Variants in COL7A1 observed in about 807,000 individuals in gnomAD.
COL7A1 encodes collagen alpha-1(VII) chain.
Under a neutral mutation model 456.2 loss-of-function variants are expected in COL7A1, and 296 were observed. That is an observed-to-expected ratio of 0.65 (90% CI 0.59 to 0.71). The LOEUF (loss-of-function observed/expected upper bound fraction) is 0.71, where lower values mean the gene tolerates loss of function less well. COL7A1 is among the 30% of genes least tolerant of loss of function. The probability of loss-of-function intolerance (pLI) is 0.00; values close to 1 mark genes in which losing one functional copy is unlikely to be tolerated. For missense variants in COL7A1, 3,441 were observed against 4,017.2 expected, an observed-to-expected ratio of 0.86 and a Z score of 3.88; for synonymous variants, 1,464 against 1,525.9, an observed-to-expected ratio of 0.96 and a Z score of 0.95.
rs770615701 is a variant in COL7A1 at position 48,570,907 on chromosome 3, G to T, written c.7226C>A (p.Thr2409Lys). The T allele has an allele frequency of 1.9e-6, 3 of 1,613,572 alleles. No homozygotes were observed. The South Asian group carries it at 3.3e-5, about 18-fold the overall frequency. ...CTGACCCATCTCTCCTCGAGGGCCTGTCTGACCCGGGAACCCAACAACACC... is the reference window on the plus strand; with the variant it reads ...CTGACCCATCTCTCCTCGAGGGCCTTTCTGACCCGGGAACCCAACAACACC... ...APGVVGFPGQTGPRGEMGQPG... is the reference protein window; with the variant it reads ...APGVVGFPGQKGPRGEMGQPG... Residue 2409 changes from threonine (T) to lysine (K), a missense_variant, in exon 95 of 119, where the codon ACA (threonine) becomes AAA (lysine). By Grantham distance (78) the Thr-to-Lys change is moderately conservative (BLOSUM62 -1). Transcript: ENST00000681320. This position sits in a 1 kb window ranked among gnomAD's most constrained non-coding sequence, Gnocchi z 5.5.
chr3:48,576,265 T>A lies in COL7A1; in HGVS notation c.5804A>T (p.Glu1935Val). The A allele has an allele frequency of 9.9e-6, 16 of 1,613,614 alleles. No individual in the cohort carries two copies. Among genetic ancestry groups the A allele is most frequent in the Non-Finnish European group, 1.4e-5 (16 of 1,179,976 alleles). Residue 1935 changes from glutamate to valine, a missense_variant, in exon 71 of 119, where the codon GAG becomes GTG. By Grantham distance (121) the Glu-to-Val change is moderately radical (BLOSUM62 -2). This residue lies in a region of COL7A1 where 2,084 missense variants were observed against 2,501.3 expected (regional missense o/e 0.83). Transcript: ENST00000681320. Reference sequence around the variant, plus strand: ...CTGGCTCACCGGCACACTTCCAGGCTCTCCTCGCAGGCCACGCTCTCCAGG... The same window carrying A: ...CTGGCTCACCGGCACACTTCCAGGCACTCCTCGCAGGCCACGCTCTCCAGG... ...GLPGERGLRG[E>V]PGSVPNVDRL...
rs752058282 is a variant in COL7A1 at position 48,578,473 on chromosome 3, A to G, written c.5467T>C (p.Ser1823Pro). Residue 1823 changes from serine to proline, a missense_variant, in exon 64 of 119, where the codon TCT becomes CCT. By Grantham distance (74) the Ser-to-Pro change is moderately conservative (BLOSUM62 -1). Around this residue, in one of 3 missense-constraint regions of COL7A1, gnomAD observed 2,084 missense variants for 2,501.3 expected, o/e 0.83. Coordinates refer to ENST00000681320, the MANE Select transcript of COL7A1 (RefSeq NM_000094.4). The surrounding 1 kb of genome is among the most constrained non-coding windows in gnomAD (Gnocchi z 4.7). ...LRGEQGLPGP[S>P]GPPGLPGKPG... ...CTCACCGGTAATCCAGGGGGACCAGAGGGGCCAGGGAGGCCCTGTTCTCCA... is the reference window on the plus strand; with the variant it reads ...CTCACCGGTAATCCAGGGGGACCAGGGGGGCCAGGGAGGCCCTGTTCTCCA... The G allele has an allele frequency of 1.2e-6, 2 of 1,612,802 alleles. No individual in the cohort carries two copies. The highest frequency in any genetic ancestry group is 2.7e-5 in the African/African-American group (2 of 74,902).
rs937090602 is a variant in COL7A1, at chr3:48,579,471, A to C, written c.5271+9T>G. 1 of 1,614,108 alleles carries C rather than the reference A, an allele frequency of 6.2e-7. No individual in the cohort carries two copies. The highest frequency in any genetic ancestry group is 1.3e-5 in the African/African-American group (1 of 75,040). On this transcript the variant is annotated intron_variant, in intron 60 of 118. Transcript: ENST00000681320. The surrounding 1 kb of genome is among the most constrained non-coding windows in gnomAD (Gnocchi z 4.4). ...GGACTTGGCAGACGGGGCAAAGTGC[A>C]TCACTCACCTGTGGGCCTGGGGGTC... is the stretch of plus-strand genomic sequence containing the variant.
In COL7A1 at chr3:48,589,311, G is replaced by C. The variant is rs201123088; in HGVS notation, c.2314+16C>G. 1.3e-5 allele frequency: 21 copies of C among 1,611,724 alleles called. No homozygotes were observed. Among genetic ancestry groups the C allele is most frequent in the African/African-American group, 2.7e-5 (2 of 74,832 alleles). ...GCTAATGCGGTGTGGCTAGTAGCTG[G>C]CCAGGGTCCACTCACCAGTCCTCAC... is the stretch of plus-strand genomic sequence containing the variant. On this transcript the variant is annotated intron_variant, in intron 18 of 118. Transcript: ENST00000681320.
Position 48,571,893 on chromosome 3 carries a change from C to CAGCCCGA in COL7A1, c.7068+101_7068+107dup, listed in dbSNP as rs1260765023. ...GCAGGCTCCTGGATGTTGGGACATG[C>CAGCCCGA]AGCCCGACTCAGGGGCTCAGACATG... On this transcript the variant is annotated intron_variant, in intron 92 of 118. Coordinates refer to ENST00000681320, the MANE Select transcript of COL7A1 (RefSeq NM_000094.4). The surrounding 1 kb of genome is among the most constrained non-coding windows in gnomAD (Gnocchi z 4.6). 1.5e-6 allele frequency: 2 copies of CAGCCCGA among 1,354,150 alleles called. No homozygotes were observed. The highest frequency in any genetic ancestry group is 1.4e-5 in the African/African-American group (1 of 69,162). 83.9% of individuals were successfully genotyped at this position (1,354,150 alleles called of 1,614,324 possible). A position where few individuals can be genotyped will look rare whatever the true frequency, so the allele number is the denominator to read the frequency against.
rs778191454 is a variant in COL7A1 at position 48,585,074 on chromosome 3, C to T, written c.3937G>A (p.Ala1313Thr). 2.6e-5 allele frequency: 42 copies of T among 1,612,406 alleles called. No individual in the cohort carries two copies. In the East Asian group the frequency reaches 5.4e-4, roughly 21 times the overall value. ...GCTCCAGGGGTCCCAGGATTCCCGG[C>T]GCGGCCAGGGCTGCCTGGACGCCCA... ...ADGRPGSPGRAGNPGTPGAPG... is the reference protein window; with the variant it reads ...ADGRPGSPGRTGNPGTPGAPG... Residue 1313 changes from alanine to threonine, a missense_variant, in exon 33 of 119, where the codon GCC becomes ACC. Ala to Thr is a moderately conservative substitution (Grantham distance 58). Coordinates refer to ENST00000681320, the MANE Select transcript of COL7A1 (RefSeq NM_000094.4). The surrounding 1 kb of genome is among the most constrained non-coding windows in gnomAD (Gnocchi z 4.5).
chr3:48,566,667 CCTCT>C lies in COL7A1; in HGVS notation c.8293_8296del (p.Arg2765GlyfsTer20). 1 of 1,614,164 alleles carries C rather than the reference CCTCT, an allele frequency of 6.2e-7. No homozygotes were observed. Among genetic ancestry groups the C allele is most frequent in the Non-Finnish European group, 8.5e-7 (1 of 1,180,012 alleles). ...CTTGGAATCCCTACTCACCTGCTCCCCTCTCTCGCCAGGAGCTCCAGGGACCCCA... is the reference window on the plus strand; with the variant it reads ...CTTGGAATCCCTACTCACCTGCTCCCCTCGCCAGGAGCTCCAGGGACCCCA... On this transcript the variant is annotated frameshift_variant, in exon 112 of 119. Coordinates refer to ENST00000681320, the MANE Select transcript of COL7A1 (RefSeq NM_000094.4). LOFTEE classifies it high-confidence loss of function. This position sits in a 1 kb window ranked among gnomAD's most constrained non-coding sequence, Gnocchi z 5.9.
At position 48,578,627 on chromosome 3, in the gene COL7A1, G is replaced by A. The variant is rs2044494817; in HGVS notation, c.5425-112C>T. 8.0e-7 allele frequency: 1 copy of A among 1,248,370 alleles called. No individual in the cohort carries two copies. Among genetic ancestry groups the A allele is most frequent in the Admixed American group, 2.0e-5 (1 of 51,116 alleles). 77.3% of individuals were successfully genotyped at this position (1,248,370 alleles called of 1,614,324 possible). A position where few individuals can be genotyped will look rare whatever the true frequency, so the allele number is the denominator to read the frequency against. ...CTCCCTCCAGGGTAGAGACCCCCAGGACTGAGAGGTCCCATTGAGATCCCT... is the reference window on the plus strand; with the variant it reads ...CTCCCTCCAGGGTAGAGACCCCCAGAACTGAGAGGTCCCATTGAGATCCCT... On this transcript the variant is annotated intron_variant, in intron 63 of 118. Transcript: ENST00000681320. This position sits in a 1 kb window ranked among gnomAD's most constrained non-coding sequence, Gnocchi z 4.7.
At position 48,584,369 on chromosome 3, in the gene COL7A1, G is replaced by A; in HGVS notation, c.4126C>T (p.Pro1376Ser). The change falls in exon 37 of 119, where the codon CCT becomes TCT. Residue 1376 changes from proline (P) to serine (S), a missense_variant. Physicochemically the swap from Pro to Ser is moderately conservative, Grantham distance 74. Around this residue, in one of 3 missense-constraint regions of COL7A1, gnomAD observed 2,084 missense variants for 2,501.3 expected, o/e 0.83. Coordinates refer to ENST00000681320, the MANE Select transcript of COL7A1 (RefSeq NM_000094.4). ...RKGDPGPSGPPGPRGPLGDPG... is the reference protein window; with the variant it reads ...RKGDPGPSGPSGPRGPLGDPG... ...TCCCCCAGTGGTCCACGAGGTCCAG[G>A]GGGGCCCTGATGGAGGAGACAAAGT... 6.2e-7 allele frequency: 1 copy of A among 1,613,762 alleles called. No individual in the cohort carries two copies. The highest frequency in any genetic ancestry group is 2.2e-5 in the East Asian group (1 of 44,864).
chr3:48,587,828 C>T lies in COL7A1; in HGVS notation c.2822G>A (p.Gly941Glu). Reference protein sequence around the residue: ...RVRLSVLGPAGEGPSAEVTAR... With the variant: ...RVRLSVLGPAEEGPSAEVTAR... ...AGTCACCTCTGCAGAGGGCCCTTCT[C>T]CAGCTGGCCCTAGGACACTCAGCCT... The change falls in exon 22 of 119, where the codon GGA becomes GAA. Residue 941 changes from glycine (G) to glutamate (E), a missense_variant. Coordinates refer to ENST00000681320, the MANE Select transcript of COL7A1 (RefSeq NM_000094.4). The surrounding 1 kb of genome is among the most constrained non-coding windows in gnomAD (Gnocchi z 6.1). The T allele has an allele frequency of 1.9e-6, 3 of 1,613,438 alleles. No individual in the cohort carries two copies. Among genetic ancestry groups the T allele is most frequent in the Non-Finnish European group, 1.7e-6 (2 of 1,179,976 alleles).
Position 48,565,163 on chromosome 3 carries a change from A to T in COL7A1, c.8566T>A (p.Ser2856Thr), listed in dbSNP as rs772717870. ...TGGTACTCCTCCACAGAATACTCGG[A>T]GTATTCAGAGTACTCATCATCCTCA... ...PPEDDEYSEY[S>T]EYSVEEYQDP... Residue 2856 changes from serine (S) to threonine (T), a missense_variant, in exon 117 of 119, where the codon TCC becomes ACC. Coordinates refer to ENST00000681320, the MANE Select transcript of COL7A1 (RefSeq NM_000094.4). This position sits in a 1 kb window ranked among gnomAD's most constrained non-coding sequence, Gnocchi z 4.5. The T allele has an allele frequency of 6.2e-7, 1 of 1,613,904 alleles. No homozygotes were observed. Among genetic ancestry groups the T allele is most frequent in the African/African-American group, 1.3e-5 (1 of 74,902 alleles).
In COL7A1 at chr3:48,585,813, C is replaced by T; in HGVS notation, c.3786+17G>A. 6.2e-7 allele frequency: 1 copy of T among 1,614,074 alleles called. No homozygotes were observed. The highest frequency in any genetic ancestry group is 8.5e-7 in the Non-Finnish European group (1 of 1,180,014). ...CACTCAACCCATTCTCTATTCCCCG[C>T]CCGCAGGGGCACTCACCATCTCTCC... is the stretch of plus-strand genomic sequence containing the variant. On this transcript the variant is annotated intron_variant, in intron 30 of 118. Transcript: ENST00000681320. The surrounding 1 kb of genome is among the most constrained non-coding windows in gnomAD (Gnocchi z 4.5).
chr3:48,564,119 T>A lies in COL7A1; in HGVS notation c.*287A>T, dbSNP rs537902317. The A allele has an allele frequency of 1.9e-5, 10 of 531,854 alleles. No homozygotes were observed. In the East Asian group the frequency reaches 3.0e-4, roughly 16 times the overall value. 32.9% of individuals were successfully genotyped at this position (531,854 alleles called of 1,614,324 possible). ...AATGCCCCCCAGAATCAGCACCATGTCATCACAGGCTTGGGTCAAGGGGCG... is the reference window on the plus strand; with the variant it reads ...AATGCCCCCCAGAATCAGCACCATGACATCACAGGCTTGGGTCAAGGGGCG... On this transcript the variant is annotated 3_prime_UTR_variant, in exon 119 of 119. Coordinates refer to ENST00000681320, the MANE Select transcript of COL7A1 (RefSeq NM_000094.4). This position sits in a 1 kb window ranked among gnomAD's most constrained non-coding sequence, Gnocchi z 6.0.
chr3:48,576,271 C>G lies in COL7A1; in HGVS notation c.5798G>C (p.Arg1933Pro). 6.2e-7 allele frequency: 1 copy of G among 1,613,792 alleles called. No homozygotes were observed. The highest frequency in any genetic ancestry group is 8.5e-7 in the Non-Finnish European group (1 of 1,180,000). Residue 1933 changes from arginine to proline, a missense_variant, in exon 71 of 119, where the codon CGA (arginine) becomes CCA (proline). Physicochemically the swap from Arg to Pro is moderately radical, Grantham distance 103 (BLOSUM62 -2). Coordinates refer to ENST00000681320, the MANE Select transcript of COL7A1 (RefSeq NM_000094.4). Reference protein sequence around the residue: ...EQGLPGERGLRGEPGSVPNVD... With the variant: ...EQGLPGERGLPGEPGSVPNVD... ...CACCGGCACACTTCCAGGCTCTCCT[C>G]GCAGGCCACGCTCTCCAGGGAGGCC... is the stretch of plus-strand genomic sequence containing the variant.
rs200981821 is a variant in COL7A1 at position 48,581,946 on chromosome 3, G to A, written c.4636-3C>T. On this transcript the variant is annotated splice_region_variant and splice_polypyrimidine_tract_variant and intron_variant, in intron 47 of 118. Transcript: ENST00000681320. This position sits in a 1 kb window ranked among gnomAD's most constrained non-coding sequence, Gnocchi z 5.8. Reference sequence around the variant, plus strand: ...TTGGGTCCAGCAACAGCAGGTCCCTGAAAACAAACAGGACAGATACAGCTT... The same window carrying A: ...TTGGGTCCAGCAACAGCAGGTCCCTAAAAACAAACAGGACAGATACAGCTT... The A allele has an allele frequency of 4.2e-5, 68 of 1,613,980 alleles. No homozygotes were observed. The African/African-American group carries it at 8.3e-4, about 20-fold the overall frequency.
In COL7A1 at chr3:48,568,995, A is replaced by G; in HGVS notation, c.7687-140T>C. 1 of 827,416 alleles carries G rather than the reference A, an allele frequency of 1.2e-6. No homozygotes were observed. The highest frequency in any genetic ancestry group is 2.0e-6 in the Non-Finnish European group (1 of 503,884). The allele number at this position is 827,416 out of a possible 1,614,324, so 51.3% of individuals were successfully genotyped here. A position where few individuals can be genotyped will look rare whatever the true frequency, so the allele number is the denominator to read the frequency against. On this transcript the variant is annotated intron_variant, in intron 103 of 118. Coordinates refer to ENST00000681320, the MANE Select transcript of COL7A1 (RefSeq NM_000094.4). This position sits in a 1 kb window ranked among gnomAD's most constrained non-coding sequence, Gnocchi z 5.2. Reference sequence around the variant, plus strand: ...AGCACGTCCTCCCAGCCTGTGCCATAGCGGGTGGAACTGGGGGCTGTAGTC... The same window carrying G: ...AGCACGTCCTCCCAGCCTGTGCCATGGCGGGTGGAACTGGGGGCTGTAGTC...
Position 48,593,192 on chromosome 3 carries a change from CGAAGAA to C in COL7A1, c.586_591del (p.Phe196_Phe197del). ...GTCCTCAAGATGCTGAAGTCATTGA[CGAAGAA>C]GAAGAAGTCACTGGTGGGCTGTGAG... On this transcript the variant is annotated inframe_deletion, in exon 6 of 119. Coordinates refer to ENST00000681320, the MANE Select transcript of COL7A1 (RefSeq NM_000094.4). This position sits in a 1 kb window ranked among gnomAD's most constrained non-coding sequence, Gnocchi z 4.4. 1 of 1,614,038 alleles carries C rather than the reference CGAAGAA, an allele frequency of 6.2e-7. No homozygotes were observed. Among genetic ancestry groups the C allele is most frequent in the South Asian group, 1.1e-5 (1 of 91,076 alleles).
rs1283623502 is a variant in COL7A1, at chr3:48,584,901, G to A, written c.4011+9C>T. On this transcript the variant is annotated intron_variant, in intron 34 of 118. Coordinates refer to ENST00000681320, the MANE Select transcript of COL7A1 (RefSeq NM_000094.4). Reference sequence around the variant, plus strand: ...ACACTTAGAGAGCAAAGAAGGGAAGGCACCTTACCGGGTCCCCACGAGGGC... The same window carrying A: ...ACACTTAGAGAGCAAAGAAGGGAAGACACCTTACCGGGTCCCCACGAGGGC... The A allele has an allele frequency of 3.1e-6, 5 of 1,614,058 alleles. No individual in the cohort carries two copies. Among genetic ancestry groups the A allele is most frequent in the Non-Finnish European group, 4.2e-6 (5 of 1,180,008 alleles).
Position 48,580,110 on chromosome 3 carries a change from G to C in COL7A1, c.5098-53C>G. 6.2e-7 allele frequency: 1 copy of C among 1,605,216 alleles called. No individual in the cohort carries two copies. The highest frequency in any genetic ancestry group is 8.5e-7 in the Non-Finnish European group (1 of 1,173,296). On this transcript the variant is annotated intron_variant, in intron 56 of 118. Coordinates refer to ENST00000681320, the MANE Select transcript of COL7A1 (RefSeq NM_000094.4). This position sits in a 1 kb window ranked among gnomAD's most constrained non-coding sequence, Gnocchi z 4.5. ...AGGAGCCCTCAGGTCCCAGGCCATG[G>C]CTCTGGTTTGCCCCAGGCTCAACTC... is the stretch of plus-strand genomic sequence containing the variant.
Sources: gnomAD v4.1 joint callset for allele counts on GRCh38, gnomAD v4.1.1 for gene constraint, gnomAD v4.1.1 regional missense constraint, Gnocchi (gnomAD v3.1) non-coding constraint, MANE v1.5 for transcripts, NCBI Gene and HGNC (gene_info 2026-07-23, HGNC 2026-07-21) for gene names.